SYNDIG1: variants seen among roughly 807,000 people sequenced by gnomAD.
SYNDIG1 encodes synapse differentiation-inducing gene protein 1.
SYNDIG1 carries 9 observed loss-of-function variants against 19.4 expected under a neutral mutation model. The ratio of observed to expected loss-of-function variants is 0.46; its 90% CI spans 0.28 to 0.81. The LOEUF (loss-of-function observed/expected upper bound fraction) is 0.81. SYNDIG1 is among the 30% of genes least tolerant of loss of function. SYNDIG1 has a pLI of 0.12. For synonymous variants in SYNDIG1, 141 were observed against 145.9 expected (o/e 0.97, Z 0.24); for missense variants, 311 against 343.3 (o/e 0.91, Z 0.74).
chr20:24,518,842 T>C (rs1431233473), intron 1 of SYNDIG1, among the ~76,000 whole-genome samples: 1 of 152,246 alleles, frequency 6.6e-6, no homozygotes, highest in African/African-American at 2.4e-5. Flanking sequence ...TTTCTGTCTG[T>C]TGGCATCCTG....
At chr20:24,531,349 A>G (rs2057255371) in intron 1 of SYNDIG1, among the ~76,000 whole-genome samples, 1 of 152,182 alleles carries the variant, frequency 6.6e-6, no homozygotes, top group African/African-American at 2.4e-5. Flanking sequence ...TCTTTAAGTC[A>G]TTCTGTGAAA....
intron 3 of SYNDIG1, among the ~76,000 whole-genome samples, chr20:24,624,928 A>G (rs560608835): frequency 2.2e-3 from 334 of 152,328 alleles, no homozygotes; most frequent in Middle Eastern, 0.014. Flanking sequence ...TGGAACTTAG[A>G]AAAAAACCCT....
intron 2 of SYNDIG1, among the ~76,000 whole-genome samples, chr20:24,568,447 A>C (rs1210835820): frequency 6.6e-6 from 1 of 152,034 alleles, no homozygotes; most frequent in Non-Finnish European, 1.5e-5. Context: ...AGGGCTGGTG[A>C]CCTCGGGAGG....
intron 2 of SYNDIG1, among the ~76,000 whole-genome samples, chr20:24,547,360 T>G (rs995606622): frequency 6.6e-6 from 1 of 152,236 alleles, no homozygotes; most frequent in Non-Finnish European, 1.5e-5. Context: ...CCTTCGAGGT[T>G]GTGGTAGTAA....
chr20:24,517,206 C>T (rs374606221), intron 1 of SYNDIG1, among the ~76,000 whole-genome samples: 84 of 151,438 alleles, frequency 5.5e-4, no homozygotes, highest in African/African-American at 1.7e-3. Flanking sequence ...ATGTAAATGA[C>T]GAGTTAATGG....
At chr20:24,639,976 T>C (rs967040682) in intron 3 of SYNDIG1, among the ~76,000 whole-genome samples, 1 of 152,230 alleles carries the variant, frequency 6.6e-6, no homozygotes, top group Non-Finnish European at 1.5e-5. Flanking sequence ...ATTTTCATTC[T>C]AGTAAATAAC....
chr20:24,628,477 G>T (rs73345383), intron 3 of SYNDIG1, among the ~76,000 whole-genome samples: 99 of 152,336 alleles, frequency 6.5e-4, no homozygotes, highest in African/African-American at 2.2e-3. Flanking sequence ...AAAATGAAAA[G>T]ATTTCCAAGT....
chr20:24,530,329 G>A (rs1279642132), intron 1 of SYNDIG1, among the ~76,000 whole-genome samples: 1 of 152,114 alleles, frequency 6.6e-6, no homozygotes, highest in Non-Finnish European at 1.5e-5. Context: ...GCAGAAGTTT[G>A]GGTTGGCTTT....
chr20:24,490,082 A>C (rs891243954), intron 1 of SYNDIG1, among the ~76,000 whole-genome samples: 1 of 152,224 alleles, frequency 6.6e-6, no homozygotes, highest in Admixed American at 6.5e-5. Flanking sequence ...GGCACCCTCC[A>C]GGATACCTTT....
chr20:24,623,668 C>T (rs182038005), intron 3 of SYNDIG1, among the ~76,000 whole-genome samples: 89 of 152,174 alleles, frequency 5.8e-4, no homozygotes, highest in African/African-American at 1.9e-3. Flanking sequence ...GGTACCCGCA[C>T]GACACATGGA....
rs61654858 is a variant in SYNDIG1, at chr20:24,555,960, C to A, written c.480+12383C>A. ...AGTCTAAGTCTCTTTGTAGGTCACT[C>A]AGGACTTGCTTTATGAATCTGGGTG... On this transcript the variant is annotated intron_variant, in intron 2 of 3. Transcript: ENST00000376862. Among the ~76,000 whole-genome samples the A allele has an allele frequency of 2.6e-5, 4 of 152,182 alleles. No individual in the cohort carries two copies. The East Asian group carries it at 7.7e-4, about 29-fold the overall frequency.
At chr20:24,566,547 G>C (rs920227783) in intron 2 of SYNDIG1, among the ~76,000 whole-genome samples, 8 of 152,176 alleles carry the variant, frequency 5.3e-5, no homozygotes, top group Non-Finnish European at 1.2e-4. Flanking sequence ...GAAGCAGTCA[G>C]CTTGTTGTGT....
chr20:24,553,161 G>GT (rs1437264110), intron 2 of SYNDIG1, among the ~76,000 whole-genome samples: 1 of 151,590 alleles, frequency 6.6e-6, no homozygotes, highest in Non-Finnish European at 1.5e-5. Flanking sequence ...GGGGTTGTTT[G>GT]TTTTTTTCTT....
Position 24,536,506 on chromosome 20 carries a change from C to T in SYNDIG1, c.-78-6514C>T, listed in dbSNP as rs553223789. On this transcript the variant is annotated intron_variant, in intron 1 of 3. Transcript: ENST00000376862. The stretch of plus-strand genomic sequence containing the variant: ...CTGTCTGTCTGTCTGGGAGCTCTCC[C>T]TGGGCATATTGGAGATAGCCTCAGG... 2.3e-3 allele frequency among the ~76,000 whole-genome samples: 353 copies of T among 152,294 alleles called. 1 individual carries two copies. Among genetic ancestry groups the T allele is most frequent in the African/African-American group, 8.2e-3 (342 of 41,560 alleles).
chr20:24,560,862 T>C (rs2057931070), intron 2 of SYNDIG1, among the ~76,000 whole-genome samples: 1 of 145,940 alleles, frequency 6.9e-6, no homozygotes, highest in South Asian at 2.2e-4. Context: ...TGTTACTTGG[T>C]GTTTCTAAAA....
chr20:24,586,816 A>G (rs2058425452), intron 3 of SYNDIG1, among the ~76,000 whole-genome samples: 3 of 152,192 alleles, frequency 2.0e-5, no homozygotes, highest in South Asian at 4.1e-4. Context: ...TACGTGGCCA[A>G]AGGAGAGACC....
intron 3 of SYNDIG1, among the ~76,000 whole-genome samples, chr20:24,596,450 C>G (rs975023831): frequency 6.6e-6 from 1 of 152,100 alleles, no homozygotes; most frequent in African/African-American, 2.4e-5. Context: ...ATGGTCTCAG[C>G]TCACTGCAAC....
intron 3 of SYNDIG1, among the ~76,000 whole-genome samples, chr20:24,619,812 C>T (rs2059011106): frequency 6.6e-6 from 1 of 152,154 alleles, no homozygotes. Context: ...CATGACCCAG[C>T]CTAACTTTCA....
intron 2 of SYNDIG1, among the ~76,000 whole-genome samples, chr20:24,558,684 A>G (rs2057875741): frequency 6.6e-6 from 1 of 152,136 alleles, no homozygotes; most frequent in African/African-American, 2.4e-5. Context: ...CTCTGTTGAT[A>G]TTTTAACTGT....
Sources: allele counts gnomAD v4.1 joint callset (sites outside exome capture counted in the v4.1 genomes callset), GRCh38; gene constraint gnomAD v4.1.1; transcripts MANE v1.5; gene names NCBI Gene and HGNC (gene_info 2026-07-23, HGNC 2026-07-21).